The following ITPRID1 variants were observed in gnomAD, a reference collection of about 807,000 sequenced individuals.
ITPRID1 encodes ITPR interacting domain containing 1.
In ITPRID1, 96 loss-of-function variants were observed where a neutral mutation model predicts 95.4. The ratio of observed to expected loss-of-function variants is 1.01; its 90% CI spans 0.85 to 1.19. The LOEUF is 1.19. Among genes scored for constraint, ITPRID1 ranks in the 50% most tolerant of loss-of-function variants. The pLI is 0.00. For synonymous variants in ITPRID1, 510 were observed against 453.6 expected (o/e 1.12, Z -1.58); for missense variants, 1,339 against 1,252.9 (o/e 1.07, Z -1.04).
At chr7:31,553,267 G>A (rs1464785291) in intron 3 of ITPRID1, 80 bp downstream of exon 3, 2 of 1,343,026 alleles carry the variant, frequency 1.5e-6, no homozygotes, top group Non-Finnish European at 2.0e-6. Flanking sequence ...CCAGGGGCAG[G>A]TGATTTTGGA....
chr7:31,565,343 G>A (rs1159560989), intron 5 of ITPRID1, among the ~76,000 whole-genome samples: 1 of 152,152 alleles, frequency 6.6e-6, no homozygotes, highest in Non-Finnish European at 1.5e-5. Context: ...TCCTTGCCTT[G>A]GTTTTCTCCA....
intron 10 of ITPRID1, among the ~76,000 whole-genome samples, chr7:31,589,033 G>A (rs1172061451): frequency 6.6e-6 from 1 of 151,998 alleles, no homozygotes; most frequent in African/African-American, 2.4e-5. Context: ...AAACCCAGAT[G>A]TTCTAATCAG....
At chr7:31,530,038 C>G (rs903950746) in intron 1 of ITPRID1, among the ~76,000 whole-genome samples, 19 of 151,998 alleles carry the variant, frequency 1.3e-4, no homozygotes, top group African/African-American at 4.6e-4. Context: ...GGATTTGGGC[C>G]TAGATGATTT....
At chr7:31,598,556 A>C (rs1786200023) in intron 10 of ITPRID1, among the ~76,000 whole-genome samples, 1 of 151,628 alleles carries the variant, frequency 6.6e-6, no homozygotes, top group Non-Finnish European at 1.5e-5. Context: ...GGCGCCCGCT[A>C]CCACGCCCGG....
At chr7:31,647,872 G>C (rs543091553) in intron 12 of ITPRID1, among the ~76,000 whole-genome samples, 1 of 152,170 alleles carries the variant, frequency 6.6e-6, no homozygotes, top group East Asian at 1.9e-4. Flanking sequence ...ATTGATAAAT[G>C]CCATTTTTGT....
At chr7:31,556,690 C>T (rs570028346) in intron 5 of ITPRID1, among the ~76,000 whole-genome samples, 1 of 152,070 alleles carries the variant, frequency 6.6e-6, no homozygotes, top group African/African-American at 2.4e-5. Flanking sequence ...GAAAAGGACC[C>T]AAAGAGGAGG....
At chr7:31,561,879 T>A (rs565581621) in intron 5 of ITPRID1, among the ~76,000 whole-genome samples, 1 of 152,196 alleles carries the variant, frequency 6.6e-6, no homozygotes, top group South Asian at 2.1e-4. Context: ...GGGATGAATA[T>A]GGATCCATAG....
chr7:31,605,701 TC>T, intron 10 of ITPRID1, among the ~76,000 whole-genome samples: 1 of 152,320 alleles, frequency 6.6e-6, no homozygotes, highest in East Asian at 1.9e-4. Context: ...TCATAACTGA[TC>T]TTATTCTGGC....
chr7:31,629,865 C>T (rs1788833051), intron 10 of ITPRID1, among the ~76,000 whole-genome samples: 1 of 152,154 alleles, frequency 6.6e-6, no homozygotes, highest in African/African-American at 2.4e-5. Flanking sequence ...CAAAGATGTA[C>T]ACCAGCGTAC....
intron 5 of ITPRID1, among the ~76,000 whole-genome samples, chr7:31,565,904 C>T (rs1784785048): frequency 6.6e-6 from 1 of 152,100 alleles, no homozygotes. Flanking sequence ...GCAAGAAAGC[C>T]CTTTCCCCAG....
chr7:31,626,710 A>C (rs1019718517), intron 10 of ITPRID1, among the ~76,000 whole-genome samples: 3 of 152,188 alleles, frequency 2.0e-5, no homozygotes, highest in East Asian at 1.9e-4. Flanking sequence ...ATGTGCCCCA[A>C]AACTCTTGTT....
chr7:31,583,800 G>A (rs1216346458), intron 10 of ITPRID1, among the ~76,000 whole-genome samples: 2 of 152,158 alleles, frequency 1.3e-5, no homozygotes, highest in Non-Finnish European at 1.5e-5. Flanking sequence ...GACTGAGCCT[G>A]ACTGTGGGGA....
intron 5 of ITPRID1, among the ~76,000 whole-genome samples, chr7:31,567,780 C>T (rs1784851321): frequency 6.6e-6 from 1 of 152,104 alleles, no homozygotes; most frequent in East Asian, 1.9e-4. Context: ...ATTACTGTAC[C>T]TATTTTCTCA....
intron 10 of ITPRID1, among the ~76,000 whole-genome samples, chr7:31,617,667 C>T (rs975803373): frequency 4.0e-5 from 6 of 151,850 alleles, no homozygotes; most frequent in Admixed American, 2.0e-4. Flanking sequence ...AAAAAACCCA[C>T]GATACTCTTG....
At chr7:31,597,682 A>G (rs571075065) in intron 10 of ITPRID1, among the ~76,000 whole-genome samples, 1 of 152,300 alleles carries the variant, frequency 6.6e-6, no homozygotes, top group South Asian at 2.1e-4. Flanking sequence ...GGAAAACTCC[A>G]TATCAAAAAG....
intron 10 of ITPRID1, among the ~76,000 whole-genome samples, chr7:31,599,954 T>A (rs1379295235): frequency 6.6e-6 from 1 of 152,078 alleles, no homozygotes; most frequent in Non-Finnish European, 1.5e-5. Flanking sequence ...GGCCTCTGCC[T>A]CCCAAAGTGC....
At chr7:31,627,461 C>T (rs138533966) in intron 10 of ITPRID1, among the ~76,000 whole-genome samples, 43 of 152,036 alleles carry the variant, frequency 2.8e-4, no homozygotes, top group African/African-American at 8.4e-4. Context: ...AGTTCAAGAC[C>T]AGCCTGGGCA....
chr7:31,630,262 A>C (rs1034707757), intron 10 of ITPRID1, among the ~76,000 whole-genome samples: 2 of 150,902 alleles, frequency 1.3e-5, no homozygotes, highest in African/African-American at 4.9e-5. Context: ...AAAAAAAAAA[A>C]CATTGAAAAT....
chr7:31,619,563 G>C (rs1034246624), intron 10 of ITPRID1, among the ~76,000 whole-genome samples: 2 of 151,698 alleles, frequency 1.3e-5, no homozygotes, highest in African/African-American at 4.8e-5. Flanking sequence ...TCTATGCTGA[G>C]GAAATCAATG....
Sources: gnomAD v4.1 joint callset for allele counts (sites outside exome capture counted in the v4.1 genomes callset) on GRCh38, gnomAD v4.1.1 for gene constraint, MANE v1.5 for transcripts, NCBI Gene and HGNC (gene_info 2026-07-23, HGNC 2026-07-21) for gene names.